KIF18B: variants seen among roughly 807,000 people sequenced by gnomAD.
KIF18B encodes kinesin family member 18B, also known as kinesin-like protein KIF18B.
KIF18B carries 49 observed loss-of-function variants against 80.9 expected under a neutral mutation model. The observed-to-expected ratio is 0.61, with a 90% confidence interval of 0.48 to 0.77. The LOEUF (loss-of-function observed/expected upper bound fraction) is 0.77, where lower values mean the gene tolerates loss of function less well. Among genes scored for constraint, KIF18B ranks in the 30% least tolerant of loss-of-function variants. KIF18B has a pLI of 0.00. For missense variants in KIF18B, 994 were observed against 1,127.7 expected (o/e 0.88, Z 1.70); for synonymous variants, 439 against 463.9 (o/e 0.95, Z 0.69).
chr17:44,930,583 T>C (rs9908100), intron 11 of KIF18B, among the ~76,000 whole-genome samples: 31,935 of 152,070 alleles, frequency 0.21, 3,459 homozygotes, highest in East Asian at 0.37. Context: ...ACATGGAGAT[T>C]TGTCACATTT....
In KIF18B at chr17:44,927,803, G is replaced by C. The variant is rs2052060065; in HGVS notation, c.2276+223C>G. Among the ~76,000 whole-genome samples, 1 of 152,184 alleles carries C rather than the reference G, an allele frequency of 6.6e-6. No homozygotes were observed. Among genetic ancestry groups the C allele is most frequent in the Non-Finnish European group, 1.5e-5 (1 of 68,024 alleles). ...GCATGCTACAAACCAGCACAGAGTG[G>C]GTGGCTTTGCAGCATGGACAGACCA... On this transcript the variant is annotated intron_variant, in intron 13 of 15. Transcript: ENST00000593135. This position sits in a 1 kb window ranked among gnomAD's most constrained non-coding sequence, Gnocchi z 4.1.
intron 7 of KIF18B, among the ~76,000 whole-genome samples, chr17:44,933,531 C>T (rs545861279): frequency 1.3e-5 from 2 of 150,990 alleles, no homozygotes; most frequent in East Asian, 2.0e-4. Context: ...CTAGCTCTGT[C>T]GCCCAGGCTG....
intron 2 of KIF18B, 115 bp downstream of exon 2, chr17:44,935,917 A>T (rs949789813): frequency 1.2e-6 from 1 of 867,112 alleles, no homozygotes; most frequent in African/African-American, 1.7e-5. Context: ...AAAACTCCTT[A>T]GTAAATCGTG....
At position 44,934,840 on chromosome 17, in the gene KIF18B, A is replaced by G; in HGVS notation, c.567T>C (p.Ser189=). Residue 189 remains serine (S), a synonymous_variant, in exon 4 of 16, where the codon TCT becomes TCC. Transcript: ENST00000593135. This position sits in a 1 kb window ranked among gnomAD's most constrained non-coding sequence, Gnocchi z 5.4. ...GAGCCCAATCCCACACCTGGTGGAAAGAAAGTCCTTGCACCACCACCCCCT... is the reference window on the plus strand; with the variant it reads ...GAGCCCAATCCCACACCTGGTGGAAGGAAAGTCCTTGCACCACCACCCCCT... ...PDKGVVVQGL[S]FHQPASAEQL... is the part of the protein sequence containing the mutation. The G allele has an allele frequency of 5.2e-6, 8 of 1,547,046 alleles. No homozygotes were observed. The highest frequency in any genetic ancestry group is 2.0e-5 in the Admixed American group (1 of 50,816).
chr17:44,926,381 G>A, intron 15 of KIF18B, 33 bp downstream of exon 15: 1 of 1,556,682 alleles, frequency 6.4e-7, no homozygotes, highest in Non-Finnish European at 8.7e-7. Context: ...GGCCTCCATG[G>A]CCCAGGCTAT....
At chr17:44,932,025 G>T in intron 10 of KIF18B, 31 bp downstream of exon 10, 1 of 1,583,924 alleles carries the variant, frequency 6.3e-7, no homozygotes, top group Non-Finnish European at 8.6e-7. Flanking sequence ...AAGCCCTCCC[G>T]ATACCCAGGC....
Position 44,932,733 on chromosome 17 carries a change from C to T in KIF18B, c.1178G>A (p.Gly393Glu), listed in dbSNP as rs1004046439. 1 of 1,612,880 alleles carries T rather than the reference C, an allele frequency of 6.2e-7. No individual in the cohort carries two copies. The highest frequency in any genetic ancestry group is 1.1e-5 in the South Asian group (1 of 91,050). Residue 393 changes from glycine (G) to glutamate (E), a missense_variant, in exon 9 of 16, where the codon GGA becomes GAA. By Grantham distance (98) the Gly-to-Glu change is moderately conservative. Transcript: ENST00000593135. ...GAGGTCCTGTGGTGGGGGCTGGCCT[C>T]CCCCCTCATACACTTGGAGCTTCTT... is the stretch of plus-strand genomic sequence containing the variant. ...LRKKLQVYEGGGQPPPQDLPG... is the reference protein window; with the variant it reads ...LRKKLQVYEGEGQPPPQDLPG...
Position 44,927,185 on chromosome 17 carries a change from A to G in KIF18B, c.2277-107T>C. ...CTCGGGCATGGGGGAGGGTGGTTGG[A>G]CAAGATGACCTCTGAGGTTTCTTCT... On this transcript the variant is annotated intron_variant, in intron 13 of 15. Coordinates refer to ENST00000593135, the MANE Select transcript of KIF18B (RefSeq NM_001265577.2). This position sits in a 1 kb window ranked among gnomAD's most constrained non-coding sequence, Gnocchi z 4.1. 1 of 756,344 alleles carries G rather than the reference A, an allele frequency of 1.3e-6. No individual in the cohort carries two copies. Among genetic ancestry groups the G allele is most frequent in the South Asian group, 1.8e-5 (1 of 54,734 alleles). The allele number at this position is 756,344 out of a possible 1,614,324, so 46.9% of individuals were successfully genotyped here.
intron 1 of KIF18B, among the ~76,000 whole-genome samples, chr17:44,942,220 T>C (rs943127002): frequency 1.3e-5 from 2 of 152,184 alleles, no homozygotes; most frequent in African/African-American, 4.8e-5. Context: ...CAGCCCAAAG[T>C]ACAAGGGAGA....
chr17:44,931,984 G>A (rs2145688666), intron 10 of KIF18B, 72 bp downstream of exon 10: 1 of 1,500,416 alleles, frequency 6.7e-7, no homozygotes. Flanking sequence ...GAGTCAGGGA[G>A]AGGCAATTTT....
chr17:44,942,632 C>T (rs991678303), intron 1 of KIF18B, among the ~76,000 whole-genome samples: 2 of 152,330 alleles, frequency 1.3e-5, no homozygotes, highest in Admixed American at 6.5e-5. Flanking sequence ...AGAGGAGGAC[C>T]TTCTTCTGAC....
intron 11 of KIF18B, 57 bp downstream of exon 11, chr17:44,931,545 G>A (rs1252106673): frequency 7.4e-6 from 12 of 1,611,792 alleles, no homozygotes; most frequent in Admixed American, 1.7e-5. Flanking sequence ...CACACCCAGG[G>A]AGGCTGAGCC....
Position 44,932,931 on chromosome 17 carries a change from C to A in KIF18B, c.1118G>T (p.Cys373Phe). The A allele has an allele frequency of 6.2e-7, 1 of 1,606,580 alleles. No homozygotes were observed. Among genetic ancestry groups the A allele is most frequent in the Non-Finnish European group, 8.5e-7 (1 of 1,173,854 alleles). ...DCHISQYATICQQLQAEVAAL... is the reference protein window; with the variant it reads ...DCHISQYATIFQQLQAEVAAL... Reference sequence around the variant, plus strand: ...CCTCACCTCAGCCTGGAGCTGTTGGCAGATGGTAGCATACTGGCTGATGTG... The same window carrying A: ...CCTCACCTCAGCCTGGAGCTGTTGGAAGATGGTAGCATACTGGCTGATGTG... Residue 373 changes from cysteine to phenylalanine, a missense_variant, in exon 8 of 16, where the codon TGC becomes TTC. Physicochemically the swap from Cys to Phe is radical, Grantham distance 205. Transcript: ENST00000593135.
chr17:44,928,558 A>G lies in KIF18B; in HGVS notation c.1744T>C (p.Cys582Arg), dbSNP rs2052081134. The G allele has an allele frequency of 2.1e-6, 3 of 1,453,128 alleles. No homozygotes were observed. The highest frequency in any genetic ancestry group is 5.0e-5 in the East Asian group (2 of 40,366). 90.0% of individuals were successfully genotyped at this position (1,453,128 alleles called of 1,614,324 possible). The change falls in exon 13 of 16, where the codon TGC becomes CGC. Residue 582 changes from cysteine to arginine, a missense_variant. Coordinates refer to ENST00000593135, the MANE Select transcript of KIF18B (RefSeq NM_001265577.2). The part of the protein sequence containing the change: ...SESIPVPSPL[C>R]PEPPGYTGPV... ...CCAGTGTATCCTGGAGGCTCTGGGC[A>G]GAGAGGAGACGGCACAGGGACTGCA...
In KIF18B at chr17:44,924,871, G is replaced by A. The variant is rs2051993145; in HGVS notation, c.*1209C>T. 6.6e-6 allele frequency: 1 copy of A among 152,074 alleles called. No homozygotes were observed. Among genetic ancestry groups the A allele is most frequent in the Non-Finnish European group, 1.5e-5 (1 of 68,022 alleles). The allele number at this position is 152,074 out of a possible 1,614,324, so 9.4% of individuals were successfully genotyped here. Reference sequence around the variant, plus strand: ...TCCCCTTTACACTTTATTTTACACTGAACGTGTATCCTATGTACAATAGAG... The same window carrying A: ...TCCCCTTTACACTTTATTTTACACTAAACGTGTATCCTATGTACAATAGAG... On this transcript the variant is annotated 3_prime_UTR_variant, in exon 16 of 16. Coordinates refer to ENST00000593135, the MANE Select transcript of KIF18B (RefSeq NM_001265577.2).
At chr17:44,946,122 T>A (rs2052508832) in intron 1 of KIF18B, among the ~76,000 whole-genome samples, 1 of 152,128 alleles carries the variant, frequency 6.6e-6, no homozygotes, top group African/African-American at 2.4e-5. Flanking sequence ...AAAAAGATTA[T>A]GTTTTATACA....
chr17:44,930,580 G>T (rs973559404), intron 11 of KIF18B, among the ~76,000 whole-genome samples: 14 of 152,206 alleles, frequency 9.2e-5, no homozygotes, highest in African/African-American at 3.4e-4. Context: ...CAAACATGGA[G>T]ATTTGTCACA....
chr17:44,932,238 G>A, intron 9 of KIF18B, 32 bp from the exon 10 acceptor site: 1 of 1,564,046 alleles, frequency 6.4e-7, no homozygotes, highest in Non-Finnish European at 8.7e-7. Context: ...GGGGAGCTGG[G>A]AAGGCTAAGC....
At chr17:44,941,004 C>CATATCATCTTTGA (rs11273531) in intron 1 of KIF18B, among the ~76,000 whole-genome samples, 9,653 of 152,232 alleles carry the variant, frequency 0.063, 608 homozygotes, top group African/African-American at 0.16. Flanking sequence ...CTGTTCAAAG[C>CATATCATCTTTGA]ACCTTATGCA....
Sources: allele counts gnomAD v4.1 joint callset (sites outside exome capture counted in the v4.1 genomes callset), GRCh38; gene constraint gnomAD v4.1.1; non-coding constraint Gnocchi (gnomAD v3.1); transcripts MANE v1.5; gene names NCBI Gene and HGNC (gene_info 2026-07-23, HGNC 2026-07-21).